Variants in STAMBPL1 observed in about 807,000 individuals in gnomAD.
The protein encoded by STAMBPL1 is AMSH-like protease.
A neutral mutation model predicts 52.9 loss-of-function variants in STAMBPL1; 44 were observed. The ratio of observed to expected loss-of-function variants is 0.83; its 90% confidence interval spans 0.65 to 1.07. The LOEUF is 1.07. Ranked by LOEUF, STAMBPL1 falls within the 50% of genes least tolerant of loss-of-function variation. The probability of loss-of-function intolerance (pLI) is 0.00; values close to 1 mark genes in which losing one functional copy is unlikely to be tolerated. For synonymous variants in STAMBPL1, 164 were observed against 177.3 expected (o/e 0.92, Z 0.60); for missense variants, 511 against 520.8 (o/e 0.98, Z 0.18).
chr10:88,900,651 A>G (rs955785965), intron 1 of STAMBPL1, among the ~76,000 whole-genome samples: 4 of 152,224 alleles, frequency 2.6e-5, no homozygotes, highest in African/African-American at 7.2e-5. Context: ...TTGTAGATGC[A>G]CAGAAAGGCT....
At chr10:88,897,262 C>T (rs1156476762) in intron 1 of STAMBPL1, among the ~76,000 whole-genome samples, 1 of 152,178 alleles carries the variant, frequency 6.6e-6, no homozygotes, top group Non-Finnish European at 1.5e-5. Flanking sequence ...TTAGCTGAAT[C>T]TCTGGGACAG....
chr10:88,919,147 T>G (rs1209593892), intron 8 of STAMBPL1, among the ~76,000 whole-genome samples: 2 of 152,174 alleles, frequency 1.3e-5, no homozygotes, highest in Non-Finnish European at 2.9e-5. Context: ...GACAGACATG[T>G]ATTTGACTTT....
chr10:88,885,669 A>G (rs1844514115), intron 1 of STAMBPL1, among the ~76,000 whole-genome samples: 1 of 152,100 alleles, frequency 6.6e-6, no homozygotes, highest in African/African-American at 2.4e-5. Context: ...ATTTCTAACC[A>G]CCTTTTAATT....
chr10:88,887,108 A>T lies in STAMBPL1; in HGVS notation c.-54+6470A>T, dbSNP rs540291367. On this transcript the variant is annotated intron_variant, in intron 1 of 10. Transcript: ENST00000371926. ...AAGATAAGTTTTCTTTAACTATAGGAACAAATGGACATGGTGGATGGAATG... is the reference window on the plus strand; with the variant it reads ...AAGATAAGTTTTCTTTAACTATAGGTACAAATGGACATGGTGGATGGAATG... Among the ~76,000 whole-genome samples the T allele has an allele frequency of 4.3e-4, 66 of 152,290 alleles. 1 individual carries two copies. Among genetic ancestry groups the T allele is most frequent in the African/African-American group, 1.5e-3 (63 of 41,542 alleles).
intron 1 of STAMBPL1, among the ~76,000 whole-genome samples, chr10:88,900,486 G>A (rs1844917784): frequency 6.6e-6 from 1 of 152,156 alleles, no homozygotes; most frequent in Non-Finnish European, 1.5e-5. Context: ...CTGAGCCTCA[G>A]TTGTCTCAAC....
intron 2 of STAMBPL1, among the ~76,000 whole-genome samples, chr10:88,902,996 T>G (rs1844984343): frequency 6.6e-6 from 1 of 152,224 alleles, no homozygotes; most frequent in South Asian, 2.1e-4. Context: ...CCACTATGGT[T>G]AATAAAGACT....
intron 2 of STAMBPL1, 141 bp from the exon 3 acceptor site, chr10:88,905,302 G>A (rs991497521): frequency 5.3e-5 from 36 of 675,760 alleles, no homozygotes; most frequent in Non-Finnish European, 6.7e-5. Flanking sequence ...GCTTTACTTT[G>A]ATTATATCAT....
At chr10:88,918,281 GCACACACA>G (rs144819228) in intron 8 of STAMBPL1, among the ~76,000 whole-genome samples, 1 of 147,160 alleles carries the variant, frequency 6.8e-6, no homozygotes, top group Non-Finnish European at 1.5e-5. Context: ...GGAGCAGCAT[GCACACACA>G]CACACACACA....
At chr10:88,889,622 G>A (rs952323) in intron 1 of STAMBPL1, among the ~76,000 whole-genome samples, 12,484 of 152,114 alleles carry the variant, frequency 0.082, 1,144 homozygotes, top group African/African-American at 0.22. Flanking sequence ...AGCATTTACA[G>A]AATATTTTAT....
chr10:88,880,776 G>A (rs902614143), intron 1 of STAMBPL1, 138 bp downstream of exon 1: 7 of 152,268 alleles, frequency 4.6e-5, no homozygotes, highest in Non-Finnish European at 2.9e-5. Context: ...CTCTAGGGGA[G>A]GAAAAAATGC....
chr10:88,914,694 ATCTGC>A, intron 7 of STAMBPL1, 36 bp downstream of exon 7: 1 of 935,676 alleles, frequency 1.1e-6, no homozygotes, highest in Non-Finnish European at 1.4e-6. Context: ...ATATATATAT[ATCTGC>A]ATAGGATACT....
rs557433432 is a variant in STAMBPL1, at chr10:88,900,677, A to G, written c.-53-979A>G. ...CAGAAAGGCTATATAACTTCCCTGC[A>G]GTCACACAGCTAAACATATTTGTTT... On this transcript the variant is annotated intron_variant, in intron 1 of 10. Coordinates refer to ENST00000371926, the MANE Select transcript of STAMBPL1 (RefSeq NM_020799.4). Among the ~76,000 whole-genome samples the G allele has an allele frequency of 4.3e-4, 65 of 152,344 alleles. 1 individual carries two copies. Among genetic ancestry groups the G allele is most frequent in the South Asian group, 3.1e-3 (15 of 4,824 alleles).
At position 88,902,221 on chromosome 10, in the gene STAMBPL1, C is replaced by T. The variant is rs539664532; in HGVS notation, c.30+483C>T. ...CCCTCACTGCCCAGCACTGTGCACA[C>T]TTTCTCTAGCTACATCACATGGGCT... On this transcript the variant is annotated intron_variant, in intron 2 of 10. Coordinates refer to ENST00000371926, the MANE Select transcript of STAMBPL1 (RefSeq NM_020799.4). Among the ~76,000 whole-genome samples the T allele has an allele frequency of 9.8e-5, 15 of 152,332 alleles. 1 individual carries two copies. The East Asian group carries it at 2.9e-3, about 29-fold the overall frequency.
chr10:88,882,362 T>G (rs1425565470), intron 1 of STAMBPL1: 2 of 152,222 alleles, frequency 1.3e-5, no homozygotes, highest in Non-Finnish European at 2.9e-5. Flanking sequence ...TAAGAAGGAC[T>G]GATAAAAATA....
intron 1 of STAMBPL1, among the ~76,000 whole-genome samples, chr10:88,893,664 C>T (rs1342621805): frequency 6.6e-6 from 1 of 152,022 alleles, no homozygotes; most frequent in African/African-American, 2.4e-5. Context: ...TCGCTTGAAC[C>T]TAGGAAGCGG....
intron 9 of STAMBPL1, 97 bp downstream of exon 9, chr10:88,921,492 A>G: frequency 2.1e-6 from 2 of 945,498 alleles, no homozygotes; most frequent in Non-Finnish European, 1.7e-6. Context: ...TTGGATTGGC[A>G]AGCACACAAC....
At chr10:88,900,888 G>A (rs1159444238) in intron 1 of STAMBPL1, among the ~76,000 whole-genome samples, 2 of 152,204 alleles carry the variant, frequency 1.3e-5, no homozygotes, top group African/African-American at 2.4e-5. Flanking sequence ...CATCTTCCAA[G>A]CTTGTATGAT....
intron 2 of STAMBPL1, among the ~76,000 whole-genome samples, chr10:88,903,749 G>C (rs1845005399): frequency 6.6e-6 from 1 of 152,186 alleles, no homozygotes; most frequent in South Asian, 2.1e-4. Context: ...CAATTGAAAA[G>C]ACTATATACT....
intron 8 of STAMBPL1, among the ~76,000 whole-genome samples, chr10:88,921,041 T>TC (rs1845497628): frequency 6.6e-6 from 1 of 152,204 alleles, no homozygotes; most frequent in Admixed American, 6.6e-5. Flanking sequence ...TCCAGCTCTT[T>TC]CTTTCCCAAA....
Sources: allele counts gnomAD v4.1 joint callset (sites outside exome capture counted in the v4.1 genomes callset), GRCh38; gene constraint gnomAD v4.1.1; transcripts MANE v1.5; gene names NCBI Gene and HGNC (gene_info 2026-07-23, HGNC 2026-07-21).